Variants in AUTS2 observed in about 807,000 individuals in gnomAD.
AUTS2 encodes activator of transcription and developmental regulator AUTS2, also known as autism susceptibility gene 2 protein.
A neutral mutation model predicts 112.4 loss-of-function variants in AUTS2; 17 were observed. The ratio of observed to expected loss-of-function variants is 0.15; its 90% confidence interval spans 0.10 to 0.23. The LOEUF is 0.23. AUTS2 is among the 10% of genes least tolerant of loss of function. AUTS2 has a pLI of 1.00. For synonymous variants in AUTS2, 751 were observed against 702.7 expected (o/e 1.07, Z -1.09); for missense variants, 1,510 against 1,701.6 (o/e 0.89, Z 1.98).
intron 5 of AUTS2, among the ~76,000 whole-genome samples, chr7:70,439,963 G>C (rs368207200): frequency 1.3e-5 from 2 of 152,154 alleles, no homozygotes; most frequent in African/African-American, 4.8e-5. Context: ...TTGGGCCTCA[G>C]TGTGATGGCT....
At chr7:69,966,030 A>C (rs1057475249) in intron 2 of AUTS2, among the ~76,000 whole-genome samples, 1 of 152,166 alleles carries the variant, frequency 6.6e-6, no homozygotes, top group Non-Finnish European at 1.5e-5. Context: ...AGGGTCTTTC[A>C]GTGGTAATCA....
At chr7:70,594,956 T>G (rs1803123206) in intron 5 of AUTS2, among the ~76,000 whole-genome samples, 1 of 151,956 alleles carries the variant, frequency 6.6e-6, no homozygotes, top group South Asian at 2.1e-4. Flanking sequence ...ACAAAATTAG[T>G]CGGGCGTGGT....
At chr7:69,985,094 G>A (rs1392613108) in intron 2 of AUTS2, among the ~76,000 whole-genome samples, 2 of 151,990 alleles carry the variant, frequency 1.3e-5, no homozygotes, top group East Asian at 3.9e-4. Context: ...AGAAGATGTG[G>A]ACTGGGCATT....
chr7:69,953,186 A>G (rs976051160), intron 2 of AUTS2, among the ~76,000 whole-genome samples: 1 of 152,142 alleles, frequency 6.6e-6, no homozygotes, highest in Non-Finnish European at 1.5e-5. Context: ...GAACTGGAGA[A>G]TGGTGGGGTG....
chr7:70,512,649 G>A (rs1234520030), intron 5 of AUTS2, among the ~76,000 whole-genome samples: 1 of 152,146 alleles, frequency 6.6e-6, no homozygotes, highest in Non-Finnish European at 1.5e-5. Context: ...TGTTAAGCAA[G>A]GAACTTTCAT....
At chr7:69,633,155 T>C (rs1281375600) in intron 1 of AUTS2, among the ~76,000 whole-genome samples, 1 of 152,214 alleles carries the variant, frequency 6.6e-6, no homozygotes, top group Non-Finnish European at 1.5e-5. Context: ...AAAAAAATTT[T>C]TAAGATTCCA....
At chr7:69,997,482 C>T (rs140968908) in intron 2 of AUTS2, among the ~76,000 whole-genome samples, 31 of 152,238 alleles carry the variant, frequency 2.0e-4, no homozygotes, top group East Asian at 1.2e-3. Flanking sequence ...TTCCTATAAA[C>T]GAATACCTGA....
intron 4 of AUTS2, among the ~76,000 whole-genome samples, chr7:70,268,065 AG>A (rs1398136906): frequency 1.3e-5 from 2 of 152,234 alleles, no homozygotes; most frequent in African/African-American, 4.8e-5. Flanking sequence ...AACTCGTTAG[AG>A]GCATCTATTG....
chr7:70,250,126 T>G (rs995595541), intron 4 of AUTS2, among the ~76,000 whole-genome samples: 2 of 152,020 alleles, frequency 1.3e-5, no homozygotes, highest in African/African-American at 4.8e-5. Flanking sequence ...TTTGAATAGC[T>G]GTGAATCTTC....
chr7:69,628,605 C>T (rs1253175167), intron 1 of AUTS2, among the ~76,000 whole-genome samples: 1 of 152,076 alleles, frequency 6.6e-6, no homozygotes, highest in Non-Finnish European at 1.5e-5. Context: ...GCTGGGGAGG[C>T]CTCAGGAAAC....
chr7:70,608,974 G>A lies in AUTS2; in HGVS notation c.691-89595G>A, dbSNP rs373454741. On this transcript the variant is annotated intron_variant, in intron 5 of 18. Coordinates refer to ENST00000342771, the MANE Select transcript of AUTS2 (RefSeq NM_015570.4). ...TTATTTTAATTGATGTATAAAAATG[G>A]CATATGTTTATTGTGTACAACATGA... Among the ~76,000 whole-genome samples the A allele has an allele frequency of 6.0e-4, 92 of 152,174 alleles. 1 individual carries two copies. In the South Asian group the frequency reaches 0.01, roughly 17 times the overall value.
chr7:70,111,950 G>A (rs946741985), intron 2 of AUTS2, among the ~76,000 whole-genome samples: 1 of 151,862 alleles, frequency 6.6e-6, no homozygotes, highest in African/African-American at 2.4e-5. Context: ...TTTACTAACT[G>A]TACAATATTT....
intron 2 of AUTS2, among the ~76,000 whole-genome samples, chr7:70,109,617 T>C (rs747452138): frequency 4.6e-5 from 7 of 152,338 alleles, no homozygotes; most frequent in South Asian, 2.1e-4. Flanking sequence ...AATGTCTGGC[T>C]TACTACGATA....
chr7:69,969,140 T>C (rs1354148894), intron 2 of AUTS2, among the ~76,000 whole-genome samples: 1 of 152,170 alleles, frequency 6.6e-6, no homozygotes, highest in Non-Finnish European at 1.5e-5. Context: ...AACTGTACTC[T>C]GCCTTCTTAT....
intron 4 of AUTS2, among the ~76,000 whole-genome samples, chr7:70,422,655 A>G (rs1006465088): frequency 6.6e-6 from 1 of 152,098 alleles, no homozygotes; most frequent in African/African-American, 2.4e-5. Flanking sequence ...GCGCATACCT[A>G]TAGTCCCACT....
chr7:70,790,173 G>A lies in AUTS2; in HGVS notation c.2957G>A (p.Arg986Gln), dbSNP rs770510009. The change falls in exon 19 of 19, where the codon CGG (arginine) becomes CAG (glutamine). Residue 986 changes from arginine to glutamine, a missense_variant. Arg to Gln is a conservative substitution (Grantham distance 43). This residue lies in a region of AUTS2 where 788 missense variants were observed against 797.6 expected (regional missense o/e 0.99). Transcript: ENST00000342771. The surrounding 1 kb of genome is among the most constrained non-coding windows in gnomAD (Gnocchi z 7.6). ...TCCGAGGTCAAGGTGAAGGAGGAGC[G>A]GAAGGAAGACCATGACCTGCCTCCA... ...KSSEVKVKEE[R>Q]KEDHDLPPEA... The A allele has an allele frequency of 4.3e-6, 7 of 1,612,078 alleles. No individual in the cohort carries two copies. Among genetic ancestry groups the A allele is most frequent in the Middle Eastern group, 3.3e-4 (2 of 6,082 alleles).
At chr7:69,736,548 G>A (rs1787039281) in intron 1 of AUTS2, among the ~76,000 whole-genome samples, 1 of 152,182 alleles carries the variant, frequency 6.6e-6, no homozygotes, top group African/African-American at 2.4e-5. Context: ...TTTTAGAGAA[G>A]ATATAAATTT....
At chr7:70,710,508 T>C (rs939236535) in intron 6 of AUTS2, among the ~76,000 whole-genome samples, 3 of 152,228 alleles carry the variant, frequency 2.0e-5, no homozygotes, top group African/African-American at 7.2e-5. Flanking sequence ...CCTACTTTTC[T>C]TTTGCTAGAA....
intron 1 of AUTS2, among the ~76,000 whole-genome samples, chr7:69,895,551 C>CT (rs931394465): frequency 4.1e-5 from 6 of 147,414 alleles, no homozygotes; most frequent in Non-Finnish European, 7.5e-5. Context: ...CTTCCCCCCC[C>CT]CCGAGTGGAA....
Sources: allele counts gnomAD v4.1 joint callset (sites outside exome capture counted in the v4.1 genomes callset), GRCh38; gene constraint gnomAD v4.1.1; regional missense constraint gnomAD v4.1.1; non-coding constraint Gnocchi (gnomAD v3.1); transcripts MANE v1.5; gene names NCBI Gene and HGNC (gene_info 2026-07-23, HGNC 2026-07-21).